The following TTC29 variants were observed in gnomAD, a reference collection of about 807,000 sequenced individuals.
The protein encoded by TTC29 is tetratricopeptide repeat domain 29.
Under a neutral mutation model 58.1 loss-of-function variants are expected in TTC29, and 49 were observed. The ratio of observed to expected loss-of-function variants is 0.84; its 90% CI spans 0.67 to 1.07. TTC29 has a LOEUF of 1.07. TTC29 is among the 50% of genes least tolerant of loss of function. TTC29 has a pLI of 0.00. For missense variants in TTC29, 582 were observed against 555.6 expected (o/e 1.05, Z -0.48); for synonymous variants, 209 against 196.8 (o/e 1.06, Z -0.52).
chr4:146,930,104 TATATATATATATATAC>T (rs1560730010), intron 4 of TTC29, among the ~76,000 whole-genome samples: 2 of 129,754 alleles, frequency 1.5e-5, no homozygotes, highest in African/African-American at 6.2e-5. Context: ...TATATATATA[TATATATATATATATAC>T]ACACATATAT....
At chr4:146,827,259 T>C (rs1259376391) in intron 9 of TTC29, among the ~76,000 whole-genome samples, 1 of 152,178 alleles carries the variant, frequency 6.6e-6, no homozygotes, top group Non-Finnish European at 1.5e-5. Context: ...TCAATTTTGA[T>C]GACAGCATCT....
At chr4:146,819,998 A>G in intron 10 of TTC29, 127 bp downstream of exon 10, 1 of 1,223,774 alleles carries the variant, frequency 8.2e-7, no homozygotes, top group Admixed American at 2.1e-5. Flanking sequence ...TACACCCTGC[A>G]GTCCAGGGCC....
intron 8 of TTC29, among the ~76,000 whole-genome samples, chr4:146,845,763 C>A (rs1248232163): frequency 6.6e-6 from 1 of 152,060 alleles, no homozygotes; most frequent in African/African-American, 2.4e-5. Context: ...GGCCCCGCTG[C>A]CTGCATTGTT....
chr4:146,799,164 T>C (rs1750036571), intron 11 of TTC29, among the ~76,000 whole-genome samples: 1 of 152,172 alleles, frequency 6.6e-6, no homozygotes, highest in Non-Finnish European at 1.5e-5. Context: ...GATTCAGTCA[T>C]ATTTTTCACC....
intron 6 of TTC29, among the ~76,000 whole-genome samples, chr4:146,894,297 T>A (rs866771200): frequency 2.0e-4 from 31 of 151,988 alleles, no homozygotes; most frequent in Non-Finnish European, 3.8e-4. Context: ...CCAACAATGA[T>A]AGACTGGATT....
At chr4:146,824,068 C>G (rs555820350) in intron 9 of TTC29, among the ~76,000 whole-genome samples, 1 of 152,312 alleles carries the variant, frequency 6.6e-6, no homozygotes, top group African/African-American at 2.4e-5. Context: ...TTCACTTCCT[C>G]TCTTCCTCTT....
intron 8 of TTC29, among the ~76,000 whole-genome samples, chr4:146,839,131 G>A (rs1056970399): frequency 2.0e-5 from 3 of 151,938 alleles, no homozygotes; most frequent in African/African-American, 7.2e-5. Context: ...TCCCAGTGAT[G>A]ACTTTTTTCA....
chr4:146,728,315 C>T (rs551383086), intron 11 of TTC29, among the ~76,000 whole-genome samples: 18 of 151,638 alleles, frequency 1.2e-4, no homozygotes, highest in East Asian at 3.9e-4. Flanking sequence ...AAAGATTCCA[C>T]GCAGCAATGT....
chr4:146,843,181 T>C (rs1158447754), intron 8 of TTC29, among the ~76,000 whole-genome samples: 1 of 151,422 alleles, frequency 6.6e-6, no homozygotes, highest in Non-Finnish European at 1.5e-5. Context: ...CAAATAGCAG[T>C]GGCCCCACAT....
intron 2 of TTC29, among the ~76,000 whole-genome samples, chr4:146,942,076 T>G (rs1736457128): frequency 6.6e-6 from 1 of 152,218 alleles, no homozygotes; most frequent in African/African-American, 2.4e-5. Flanking sequence ...CTGAAAAAGA[T>G]TATTATCCTG....
intron 11 of TTC29, among the ~76,000 whole-genome samples, chr4:146,726,550 A>G (rs950312607): frequency 1.3e-5 from 2 of 152,122 alleles, no homozygotes; most frequent in African/African-American, 4.8e-5. Context: ...ATTGTCATAA[A>G]AGTACTCTTT....
At chr4:146,896,876 G>T (rs1318084431) in intron 6 of TTC29, among the ~76,000 whole-genome samples, 1 of 152,028 alleles carries the variant, frequency 6.6e-6, no homozygotes, top group East Asian at 1.9e-4. Flanking sequence ...CATATCATCT[G>T]GTTCTATCCT....
At chr4:146,930,872 C>G (rs56892166) in intron 4 of TTC29, among the ~76,000 whole-genome samples, 2,229 of 152,178 alleles carry the variant, frequency 0.015, 45 homozygotes, top group African/African-American at 0.05. Context: ...TCACTTTGTC[C>G]TATGACACTG....
intron 6 of TTC29, among the ~76,000 whole-genome samples, chr4:146,892,344 T>G (rs963545083): frequency 3.3e-5 from 5 of 152,134 alleles, no homozygotes; most frequent in African/African-American, 7.2e-5. Flanking sequence ...CTTTTCTTTA[T>G]AAATTACCCA....
chr4:146,852,660 A>G (rs183759783), intron 8 of TTC29, among the ~76,000 whole-genome samples: 3 of 152,340 alleles, frequency 2.0e-5, no homozygotes, highest in Admixed American at 2.0e-4. Flanking sequence ...TATTGTAAGA[A>G]TGGCACTGGT....
At chr4:146,936,357 T>C (rs1735818040) in intron 4 of TTC29, among the ~76,000 whole-genome samples, 1 of 152,192 alleles carries the variant, frequency 6.6e-6, no homozygotes, top group African/African-American at 2.4e-5. Flanking sequence ...GTTTAGTTTT[T>C]AATTTAATTC....
intron 11 of TTC29, among the ~76,000 whole-genome samples, chr4:146,734,231 G>A (rs1420962633): frequency 6.6e-6 from 1 of 152,054 alleles, no homozygotes; most frequent in African/African-American, 2.4e-5. Flanking sequence ...AGCAAGAAGT[G>A]GCAATAAGGT....
chr4:146,874,785 T>G lies in TTC29; in HGVS notation c.730A>C (p.Met244Leu), dbSNP rs1469691527. The G allele has an allele frequency of 6.2e-7, 1 of 1,611,750 alleles. No homozygotes were observed. Among genetic ancestry groups the G allele is most frequent in the Middle Eastern group, 1.8e-4 (1 of 5,684 alleles). The part of the protein sequence containing the change: ...LRTYRLLSDK[M>L]LENKEYKQAI... ...TGTTTGTATTCTTTATTTTCTAGCA[T>G]TTTGTCTGAGAGTAATCTGTAAGTC... The change falls in exon 7 of 13, where the codon ATG (methionine) becomes CTG (leucine). Residue 244 changes from methionine (M) to leucine (L), a missense_variant. Physicochemically the swap from Met to Leu is conservative, Grantham distance 15. Coordinates refer to ENST00000325106, the MANE Select transcript of TTC29 (RefSeq NM_031956.4).
At chr4:146,873,073 T>C (rs1308755876) in intron 7 of TTC29, among the ~76,000 whole-genome samples, 1 of 152,152 alleles carries the variant, frequency 6.6e-6, no homozygotes, top group Non-Finnish European at 1.5e-5. Flanking sequence ...TAAAAGGTGT[T>C]GGCTGATGCT....
Sources: allele counts gnomAD v4.1 joint callset (sites outside exome capture counted in the v4.1 genomes callset), GRCh38; gene constraint gnomAD v4.1.1; transcripts MANE v1.5; gene names NCBI Gene and HGNC (gene_info 2026-07-23, HGNC 2026-07-21).